The following PRRC2A variants were observed in gnomAD, a reference collection of about 807,000 sequenced individuals.
PRRC2A encodes proline rich coiled-coil 2A.
In PRRC2A, 59 loss-of-function variants were observed where a neutral mutation model predicts 224.6. That is an observed-to-expected ratio of 0.26 (90% confidence interval 0.21 to 0.33). The LOEUF is 0.33. PRRC2A is among the 10% of genes least tolerant of loss of function. The pLI is 1.00. For synonymous variants in PRRC2A, 1,194 were observed against 1,109.5 expected, an observed-to-expected ratio of 1.08 and a Z score of -1.51; for missense variants, 3,095 against 2,880.7, an observed-to-expected ratio of 1.07 and a Z score of -1.70.
intron 12 of PRRC2A, chr6:31,628,730 G>A: frequency 4.5e-6 from 1 of 220,608 alleles, no homozygotes; most frequent in Non-Finnish European, 9.0e-6. Context: ...AGTCCCAGCT[G>A]CTTGGGAGGC....
Position 31,627,656 on chromosome 6 carries a change from C to A in PRRC2A, c.1291-109C>A. On this transcript the variant is annotated intron_variant, in intron 11 of 30. Transcript: ENST00000376033. This position sits in a 1 kb window ranked among gnomAD's most constrained non-coding sequence, Gnocchi z 5.6. ...CCACCCAGAGAGATCAACCCCAAAGCCTGGGTCGTTGCATCCTGCAAGTAG... is the reference window on the plus strand; with the variant it reads ...CCACCCAGAGAGATCAACCCCAAAGACTGGGTCGTTGCATCCTGCAAGTAG... The A allele has an allele frequency of 7.2e-7, 1 of 1,380,092 alleles. No homozygotes were observed. 85.5% of individuals were successfully genotyped at this position (1,380,092 alleles called of 1,614,324 possible). A position where few individuals can be genotyped will look rare whatever the true frequency, so the allele number is the denominator to read the frequency against.
chr6:31,632,008 C>T lies in PRRC2A; in HGVS notation c.3335C>T (p.Thr1112Ile), dbSNP rs745555467. The change falls in exon 16 of 31, where the codon ACC becomes ATC. Residue 1112 changes from threonine (T) to isoleucine (I), a missense_variant. Thr to Ile is a moderately conservative substitution (Grantham distance 89). Around this residue, in one of 8 missense-constraint regions of PRRC2A, gnomAD observed 2,001 missense variants for 1,764.9 expected, o/e 1.13. Coordinates refer to ENST00000376033, the MANE Select transcript of PRRC2A (RefSeq NM_004638.4). ...CGGGGCTCAGAAACAGGCAGCGAGA[C>T]CCATGAGAGTGATCTGGCTCCTTCA... ...RQRGSETGSETHESDLAPSDK... is the reference protein window; with the variant it reads ...RQRGSETGSEIHESDLAPSDK... The T allele has an allele frequency of 1.2e-6, 2 of 1,609,634 alleles. No individual in the cohort carries two copies. The highest frequency in any genetic ancestry group is 1.7e-6 in the Non-Finnish European group (2 of 1,177,924).
intron 16 of PRRC2A, 136 bp downstream of exon 16, chr6:31,633,128 C>T (rs2150526105): frequency 7.8e-7 from 1 of 1,285,710 alleles, no homozygotes; most frequent in South Asian, 1.6e-5. Context: ...GTAGGATTTC[C>T]ATGTCTGGCT....
chr6:31,625,751 T>C lies in PRRC2A; in HGVS notation c.760-41T>C. On this transcript the variant is annotated intron_variant, in intron 7 of 30. Coordinates refer to ENST00000376033, the MANE Select transcript of PRRC2A (RefSeq NM_004638.4). This position sits in a 1 kb window ranked among gnomAD's most constrained non-coding sequence, Gnocchi z 4.1. ...AGGCTTAAGGAGCTAGAAGGGTATA[T>C]GACTGTCCCTCTGAGCAGCTACTGT... The C allele has an allele frequency of 6.4e-7, 1 of 1,555,666 alleles. No individual in the cohort carries two copies. The highest frequency in any genetic ancestry group is 1.4e-5 in the African/African-American group (1 of 73,670).
rs763567546 is a variant in PRRC2A at position 31,631,971 on chromosome 6, C to T, written c.3298C>T (p.Arg1100Trp). 9 of 1,612,422 alleles carry T rather than the reference C, an allele frequency of 5.6e-6. No individual in the cohort carries two copies. The highest frequency in any genetic ancestry group is 2.2e-5 in the South Asian group (2 of 91,038). ...EGSEYEEIPK[R>W]RRQRGSETGS... ...TTCAGAGTATGAGGAAATCCCCAAGCGGCGCCGGCAGCGGGGCTCAGAAAC... is the reference window on the plus strand; with the variant it reads ...TTCAGAGTATGAGGAAATCCCCAAGTGGCGCCGGCAGCGGGGCTCAGAAAC... Residue 1100 changes from arginine (R) to tryptophan (W), a missense_variant, in exon 16 of 31, where the codon CGG becomes TGG. Around this residue, in one of 8 missense-constraint regions of PRRC2A, gnomAD observed 2,001 missense variants for 1,764.9 expected, o/e 1.13. Coordinates refer to ENST00000376033, the MANE Select transcript of PRRC2A (RefSeq NM_004638.4). The surrounding 1 kb of genome is among the most constrained non-coding windows in gnomAD (Gnocchi z 4.5).
intron 2 of PRRC2A, chr6:31,623,107 CCT>C: frequency 1.3e-6 from 1 of 761,918 alleles, no homozygotes; most frequent in East Asian, 2.4e-5. Context: ...TCTGTGGTTC[CCT>C]GTCTTTGGAC....
chr6:31,627,769 G>T lies in PRRC2A; in HGVS notation c.1295G>T (p.Arg432Leu). The change falls in exon 12 of 31, where the codon CGT becomes CTT. Residue 432 changes from arginine to leucine, a missense_variant. By Grantham distance (102) the Arg-to-Leu change is moderately radical. Transcript: ENST00000376033. The surrounding 1 kb of genome is among the most constrained non-coding windows in gnomAD (Gnocchi z 5.6). ...CTGGGTCTTGCCAATTGACAGGATC[G>T]TGGGGGTCCTCCCTGCAAGCCCCCA... ...NWGPPGDYPD[R>L]GGPPCKPPAP... 2 of 1,612,114 alleles carry T rather than the reference G, an allele frequency of 1.2e-6. No homozygotes were observed. Among genetic ancestry groups the T allele is most frequent in the Non-Finnish European group, 1.7e-6 (2 of 1,179,460 alleles).
At position 31,625,557 on chromosome 6, in the gene PRRC2A, A is replaced by T; in HGVS notation, c.705A>T (p.Leu235=). The stretch of plus-strand genomic sequence containing the variant: ...ATGGTCATGATCCCCGGGGTGGGCT[A>T]CAGCCTTCAGGCCCACCCCAGTTCC... ...LHHGHDPRGG[L]QPSGPPQFPP... Residue 235 remains leucine (L), a synonymous_variant, in exon 7 of 31, where the codon CTA becomes CTT. Transcript: ENST00000376033. This position sits in a 1 kb window ranked among gnomAD's most constrained non-coding sequence, Gnocchi z 4.1. 1 of 1,572,006 alleles carries T rather than the reference A, an allele frequency of 6.4e-7. No homozygotes were observed.
Position 31,634,271 on chromosome 6 carries a change from G to T in PRRC2A, c.4755G>T (p.Leu1585Phe), listed in dbSNP as rs527272482. The part of the protein sequence containing the change: ...SLPPPHSSGF[L>F]GSKPEGPGPQ... Reference sequence around the variant, plus strand: ...CACCTCCTCATAGCTCTGGATTCTTGGGCTCTAAGCCTGAGGGCCCAGGCC... The same window carrying T: ...CACCTCCTCATAGCTCTGGATTCTTTGGCTCTAAGCCTGAGGGCCCAGGCC... Residue 1585 changes from leucine (L) to phenylalanine (F), a missense_variant, in exon 19 of 31, where the codon TTG (leucine) becomes TTT (phenylalanine). By Grantham distance (22) the Leu-to-Phe change is conservative. This residue lies in a region of PRRC2A where 2,001 missense variants were observed against 1,764.9 expected (regional missense o/e 1.13). Transcript: ENST00000376033. The T allele has an allele frequency of 5.0e-6, 8 of 1,597,306 alleles. No individual in the cohort carries two copies. In the African/African-American group the frequency reaches 1.1e-4, roughly 22 times the overall value.
intron 15 of PRRC2A, 135 bp downstream of exon 15, chr6:31,630,936 A>G: frequency 7.7e-7 from 1 of 1,302,248 alleles, no homozygotes; most frequent in Admixed American, 2.4e-5. Flanking sequence ...CATGCCTGTA[A>G]TCCCAGCATT....
Position 31,631,979 on chromosome 6 carries a change from G to A in PRRC2A, c.3306G>A (p.Arg1102=). 1 of 1,612,598 alleles carries A rather than the reference G, an allele frequency of 6.2e-7. No individual in the cohort carries two copies. The change falls in exon 16 of 31, where the codon CGG becomes CGA. Residue 1102 remains arginine (R), a synonymous_variant. Transcript: ENST00000376033. This position sits in a 1 kb window ranked among gnomAD's most constrained non-coding sequence, Gnocchi z 4.5. ...SEYEEIPKRR[R]QRGSETGSET... is the part of the protein sequence containing the mutation. ...ATGAGGAAATCCCCAAGCGGCGCCG[G>A]CAGCGGGGCTCAGAAACAGGCAGCG...
chr6:31,632,624 C>T lies in PRRC2A; in HGVS notation c.3951C>T (p.Ala1317=). 1.2e-6 allele frequency: 2 copies of T among 1,613,042 alleles called. No homozygotes were observed. Among genetic ancestry groups the T allele is most frequent in the Non-Finnish European group, 1.7e-6 (2 of 1,180,032 alleles). Reference sequence around the variant, plus strand: ...TGTCAAACCAGAACTCAGACCAAGCCAATGAGGAATGGGAGACTGCATCAG... The same window carrying T: ...TGTCAAACCAGAACTCAGACCAAGCTAATGAGGAATGGGAGACTGCATCAG... ...PDLSNQNSDQ[A]NEEWETASES... Residue 1317 remains alanine (A), a synonymous_variant, in exon 16 of 31, where the codon GCC becomes GCT. Coordinates refer to ENST00000376033, the MANE Select transcript of PRRC2A (RefSeq NM_004638.4).
chr6:31,628,558 T>C (rs1236127594), intron 12 of PRRC2A: 1 of 407,866 alleles, frequency 2.5e-6, no homozygotes, highest in Non-Finnish European at 4.3e-6. Context: ...AGCAAGACCC[T>C]GTCGGCCAGG....
Position 31,629,793 on chromosome 6 carries a change from C to T in PRRC2A, c.2202C>T (p.Leu734=). ...TTCCTCCTTATGTGGACCCCCGGCT[C>T]CTCCAGGGTCGTCCCCCTCTAGACT... The part of the protein sequence containing the change: ...MMIPPYVDPR[L]LQGRPPLDFY... Residue 734 remains leucine (L), a synonymous_variant, in exon 14 of 31, where the codon CTC becomes CTT. Coordinates refer to ENST00000376033, the MANE Select transcript of PRRC2A (RefSeq NM_004638.4). The T allele has an allele frequency of 1.2e-6, 2 of 1,613,824 alleles. No individual in the cohort carries two copies. Among genetic ancestry groups the T allele is most frequent in the Non-Finnish European group, 1.7e-6 (2 of 1,179,816 alleles).
Position 31,626,767 on chromosome 6 carries a change from C to T in PRRC2A, c.983-5C>T, listed in dbSNP as rs1161638466. On this transcript the variant is annotated splice_region_variant and splice_polypyrimidine_tract_variant and intron_variant, in intron 9 of 30. Coordinates refer to ENST00000376033, the MANE Select transcript of PRRC2A (RefSeq NM_004638.4). ...TGGGTTACTAATACTCATATTTCCC[C>T]TCAGGGGCCCATGAAGAGGTTGACT... The T allele has an allele frequency of 2.5e-6, 4 of 1,570,084 alleles. No individual in the cohort carries two copies. Among genetic ancestry groups the T allele is most frequent in the Non-Finnish European group, 3.5e-6 (4 of 1,157,248 alleles).
Position 31,629,760 on chromosome 6 carries a change from G to T in PRRC2A, c.2169G>T (p.Trp723Cys). 6.2e-7 allele frequency: 1 copy of T among 1,613,424 alleles called. No homozygotes were observed. Among genetic ancestry groups the T allele is most frequent in the East Asian group, 2.2e-5 (1 of 44,872 alleles). ...PMPPMNFDPR[W>C]MMIPPYVDPR... ...CCCCAATGAACTTTGATCCCCGATG[G>T]ATGATGATTCCTCCTTATGTGGACC... Residue 723 changes from tryptophan to cysteine, a missense_variant, in exon 14 of 31, where the codon TGG becomes TGT. Trp to Cys is a radical substitution (Grantham distance 215, BLOSUM62 -2). This residue lies in a region of PRRC2A where 2,001 missense variants were observed against 1,764.9 expected (regional missense o/e 1.13). Transcript: ENST00000376033.
At chr6:31,635,036 T>G in intron 21 of PRRC2A, 59 bp downstream of exon 21, 1 of 1,596,700 alleles carries the variant, frequency 6.3e-7, no homozygotes, top group Non-Finnish European at 8.6e-7. Flanking sequence ...TGGCCCTACC[T>G]TTTTCTGCTT....
rs531657625 is a variant in PRRC2A at position 31,634,310 on chromosome 6, C to T, written c.4794C>T (p.Ser1598=). The T allele has an allele frequency of 5.1e-5, 83 of 1,612,792 alleles. No homozygotes were observed. The Admixed American group carries it at 1.4e-3, about 27-fold the overall frequency. ...KPEGPGPQAE[S]RDTGTEALTP... The stretch of plus-strand genomic sequence containing the variant: ...AGGGCCCAGGCCCTCAGGCAGAGTC[C>T]AGAGATACAGGCACAGAGGCCCTGA... Residue 1598 remains serine, a synonymous_variant, in exon 19 of 31, where the codon TCC becomes TCT. Coordinates refer to ENST00000376033, the MANE Select transcript of PRRC2A (RefSeq NM_004638.4).
chr6:31,622,383 G>C (rs1775390620), intron 1 of PRRC2A, among the ~76,000 whole-genome samples: 1 of 152,196 alleles, frequency 6.6e-6, no homozygotes, highest in African/African-American at 2.4e-5. Flanking sequence ...GTAAGTCTCT[G>C]AAACGATTTT....
Sources: gnomAD v4.1 joint callset for allele counts (sites outside exome capture counted in the v4.1 genomes callset) on GRCh38, gnomAD v4.1.1 for gene constraint, gnomAD v4.1.1 regional missense constraint, Gnocchi (gnomAD v3.1) non-coding constraint, MANE v1.5 for transcripts, NCBI Gene and HGNC (gene_info 2026-07-23, HGNC 2026-07-21) for gene names.